The following RBPJL variants were observed in gnomAD, a reference collection of about 807,000 sequenced individuals.
RBPJL encodes the protein recombination signal binding protein for immunoglobulin kappa J region like.
Under a neutral mutation model 57.6 loss-of-function variants are expected in RBPJL, and 50 were observed. The observed-to-expected ratio is 0.87, with a 90% confidence interval of 0.69 to 1.10. The LOEUF is 1.10. RBPJL is among the 50% of genes least tolerant of loss of function. RBPJL has a pLI of 0.00. For synonymous variants in RBPJL, 303 were observed against 294.4 expected (o/e 1.03, Z -0.30); for missense variants, 684 against 693.7 (o/e 0.99, Z 0.16).
At chr20:45,310,778 G>A (rs990424761) in intron 3 of RBPJL, among the ~76,000 whole-genome samples, 11 of 152,150 alleles carry the variant, frequency 7.2e-5, no homozygotes, top group African/African-American at 2.7e-4. Context: ...TTAAACCAGT[G>A]GAGGATTTTA....
chr20:45,311,940 C>T lies in RBPJL; in HGVS notation c.430C>T (p.Gln144Ter). 1.3e-6 allele frequency: 2 copies of T among 1,550,964 alleles called. No homozygotes were observed. The highest frequency in any genetic ancestry group is 1.2e-5 in the South Asian group (1 of 84,146). The part of the protein sequence containing the change: ...TETQKLNFEQ[Q>*]PDSREFGCAK... ...GACGCAGAAGCTGAATTTCGAGCAGCAGCCGGACTCCAGGGTGAGAGCGCA... is the reference window on the plus strand; with the variant it reads ...GACGCAGAAGCTGAATTTCGAGCAGTAGCCGGACTCCAGGGTGAGAGCGCA... Residue 144 changes from glutamine to a stop codon, truncating the protein, a stop_gained, in exon 5 of 12, where the codon CAG becomes TAG. Transcript: ENST00000343694. LOFTEE classifies it high-confidence loss of function.
rs1257650099 is a variant in RBPJL at position 45,314,637 on chromosome 20, C to T, written c.1020+72C>T. 31 of 1,451,450 alleles carry T rather than the reference C, an allele frequency of 2.1e-5. 1 individual carries two copies. The highest frequency in any genetic ancestry group is 1.1e-5 in the Non-Finnish European group (12 of 1,051,982). 89.9% of individuals were successfully genotyped at this position (1,451,450 alleles called of 1,614,324 possible). On this transcript the variant is annotated intron_variant, in intron 9 of 11. Coordinates refer to ENST00000343694, the MANE Select transcript of RBPJL (RefSeq NM_014276.4). ...TGCAGAGAACCACAGAATGTAAGAT[C>T]ATCACCCTCACCATGGTTGCTACTT...
chr20:45,307,973 G>A (rs1457654938), intron 1 of RBPJL, among the ~76,000 whole-genome samples, 170 bp from the exon 2 acceptor site: 1 of 152,198 alleles, frequency 6.6e-6, no homozygotes, highest in East Asian at 1.9e-4. Context: ...CTGGAGGGAT[G>A]AGAGTAGAAA....
Position 45,314,412 on chromosome 20 carries a change from G to A in RBPJL, c.868-1G>A, listed in dbSNP as rs1468629389. 1.2e-6 allele frequency: 2 copies of A among 1,611,816 alleles called. No individual in the cohort carries two copies. Among genetic ancestry groups the A allele is most frequent in the Non-Finnish European group, 1.7e-6 (2 of 1,178,108 alleles). On this transcript the variant is annotated splice_acceptor_variant, in intron 8 of 11. Coordinates refer to ENST00000343694, the MANE Select transcript of RBPJL (RefSeq NM_014276.4). LOFTEE classifies it high-confidence loss of function. The stretch of plus-strand genomic sequence containing the variant: ...CTGTTCTTACCATCCTTCCATTGCA[G>A]ATCATCCGTAAAGTAGCAAAACAGT...
chr20:45,316,536 G>C lies in RBPJL; in HGVS notation c.1236G>C (p.Gly412=), dbSNP rs765465317. ...TCCACGGAGAGAACTTCCACGCGGG[G>C]CTCAAGGTGTGGTTTGGGGACGTGG... ...LELHGENFHA[G]LKVWFGDVEA... The change falls in exon 11 of 12, where the codon GGG becomes GGC. Residue 412 remains glycine, a synonymous_variant. Transcript: ENST00000343694. 32 of 1,540,248 alleles carry C rather than the reference G, an allele frequency of 2.1e-5. 1 individual carries two copies. In the South Asian group the frequency reaches 3.5e-4, roughly 17 times the overall value.
intron 9 of RBPJL, among the ~76,000 whole-genome samples, chr20:45,315,047 C>T (rs1987384611): frequency 6.6e-6 from 1 of 152,162 alleles, no homozygotes. Flanking sequence ...CACACCATTG[C>T]ACTCCAGCCT....
chr20:45,317,264 T>G lies in RBPJL; in HGVS notation c.*305T>G. 1.6e-4 allele frequency: 73 copies of G among 443,402 alleles called. No individual in the cohort carries two copies. In the Middle Eastern group the frequency reaches 1.8e-3, roughly 11 times the overall value. 27.5% of individuals were successfully genotyped at this position (443,402 alleles called of 1,614,324 possible). On this transcript the variant is annotated 3_prime_UTR_variant, in exon 12 of 12. Coordinates refer to ENST00000343694, the MANE Select transcript of RBPJL (RefSeq NM_014276.4). Reference sequence around the variant, plus strand: ...TCTCTCTCCCTTCCCCCTCAGTACTTAGTCTACAGACCTATGTGCGTGTCC... The same window carrying G: ...TCTCTCTCCCTTCCCCCTCAGTACTGAGTCTACAGACCTATGTGCGTGTCC...
intron 4 of RBPJL, 44 bp downstream of exon 4, chr20:45,311,703 A>AT (rs763186704): frequency 1.2e-6 from 2 of 1,604,342 alleles, no homozygotes; most frequent in South Asian, 2.2e-5. Flanking sequence ...CTCTGTAGGG[A>AT]GGACCACGAG....
chr20:45,312,902 G>A (rs943598338), intron 6 of RBPJL, among the ~76,000 whole-genome samples: 2 of 151,902 alleles, frequency 1.3e-5, no homozygotes, highest in Admixed American at 6.6e-5. Context: ...CAGCTACGTG[G>A]GAGGCTGAGA....
chr20:45,308,758 C>A (rs1467403956), intron 2 of RBPJL, among the ~76,000 whole-genome samples: 1 of 151,928 alleles, frequency 6.6e-6, no homozygotes, highest in African/African-American at 2.4e-5. Context: ...ACCTGCTAAC[C>A]CCCCAAATCT....
In RBPJL at chr20:45,312,291, G is replaced by A. The variant is rs139100496; in HGVS notation, c.515G>A (p.Arg172Gln). ...AGGAAGCACTTTCGGCTGGTGCTGCGGCTGGTGCTGCGCGGGGGCCGGGAG... is the reference window on the plus strand; with the variant it reads ...AGGAAGCACTTTCGGCTGGTGCTGCAGCTGGTGCTGCGCGGGGGCCGGGAG... ...DKRKHFRLVLRLVLRGGRELG... is the reference protein window; with the variant it reads ...DKRKHFRLVLQLVLRGGRELG... Residue 172 changes from arginine to glutamine, a missense_variant, in exon 6 of 12, where the codon CGG (arginine) becomes CAG (glutamine). By Grantham distance (43) the Arg-to-Gln change is conservative. Transcript: ENST00000343694. 1.5e-5 allele frequency: 24 copies of A among 1,614,074 alleles called. No homozygotes were observed. The highest frequency in any genetic ancestry group is 6.7e-5 in the Admixed American group (4 of 60,014).
chr20:45,312,379 G>T lies in RBPJL; in HGVS notation c.603G>T (p.Ser201=), dbSNP rs1987226347. Reference sequence around the variant, plus strand: ...CGAAGCCCTCGCAGAAGAAGCAGTCGCTGAAAAACACCGATCGTGAGCAGG... The same window carrying T: ...CGAAGCCCTCGCAGAAGAAGCAGTCTCTGAAAAACACCGATCGTGAGCAGG... ...VISKPSQKKQ[S]LKNTDLCISS... The change falls in exon 6 of 12, where the codon TCG becomes TCT. Residue 201 remains serine, a synonymous_variant. Coordinates refer to ENST00000343694, the MANE Select transcript of RBPJL (RefSeq NM_014276.4). 1.2e-6 allele frequency: 2 copies of T among 1,613,828 alleles called. No individual in the cohort carries two copies. The highest frequency in any genetic ancestry group is 1.7e-6 in the Non-Finnish European group (2 of 1,179,930).
At position 45,316,235 on chromosome 20, in the gene RBPJL, T is replaced by C; in HGVS notation, c.1069T>C (p.Ser357Pro). ...EANRALLNDS[S>P]CWTIIGTESV... ...GAACAGGGCTCTGCTTAACGACAGC[T>C]CTTGCTGGACCATCATCGGCACCGA... Residue 357 changes from serine to proline, a missense_variant, in exon 10 of 12, where the codon TCT (serine) becomes CCT (proline). Ser to Pro is a moderately conservative substitution (Grantham distance 74). Coordinates refer to ENST00000343694, the MANE Select transcript of RBPJL (RefSeq NM_014276.4). The C allele has an allele frequency of 3.1e-6, 5 of 1,614,216 alleles. No homozygotes were observed. The highest frequency in any genetic ancestry group is 4.2e-6 in the Non-Finnish European group (5 of 1,180,024).
chr20:45,315,362 T>G (rs1311247765), intron 9 of RBPJL, among the ~76,000 whole-genome samples: 11 of 151,788 alleles, frequency 7.2e-5, no homozygotes. Context: ...CAAAGAATAT[T>G]AAAATTGTAG....
At chr20:45,309,219 T>C (rs1291704932) in intron 2 of RBPJL, among the ~76,000 whole-genome samples, 1 of 152,012 alleles carries the variant, frequency 6.6e-6, no homozygotes, top group Non-Finnish European at 1.5e-5. Context: ...CCAAGGCCAG[T>C]ATAAGTGCAG....
chr20:45,308,949 A>G (rs1986987539), intron 2 of RBPJL, among the ~76,000 whole-genome samples: 2 of 152,266 alleles, frequency 1.3e-5, no homozygotes, highest in South Asian at 4.1e-4. Context: ...ACACAGCAAC[A>G]GGCCACTTCT....
In RBPJL at chr20:45,311,847, G is replaced by C. The variant is rs986181356; in HGVS notation, c.337G>C (p.Ala113Pro). 5.8e-6 allele frequency: 9 copies of C among 1,551,654 alleles called. No homozygotes were observed. The African/African-American group carries it at 8.2e-5, about 14-fold the overall frequency. The change falls in exon 5 of 12, where the codon GCG (alanine) becomes CCG (proline). Residue 113 changes from alanine to proline, a missense_variant. Transcript: ENST00000343694. ...VKPGQDQAHQ[A>P]GETGPTVCGY... ...TTCGCGTCCCTTTCCAGCTCACCAG[G>C]CGGGGGAAACGGGGCCCACGGTCTG...
Position 45,312,842 on chromosome 20 carries a change from A to G in RBPJL, c.619+447A>G, listed in dbSNP as rs568367256. On this transcript the variant is annotated intron_variant, in intron 6 of 11. Coordinates refer to ENST00000343694, the MANE Select transcript of RBPJL (RefSeq NM_014276.4). ...TTGTCTGTACCAAAAAAAAAAAAAA[A>G]AAAAGAAAAAGAAAAATTAGCCTGG... Among the ~76,000 whole-genome samples the G allele has an allele frequency of 3.6e-4, 54 of 151,180 alleles. 2 individuals are homozygous for G. The East Asian group carries it at 9.7e-3, about 27-fold the overall frequency.
In RBPJL at chr20:45,309,214, G is replaced by A. The variant is rs575947198; in HGVS notation, c.132-353G>A. 2.0e-5 allele frequency among the ~76,000 whole-genome samples: 3 copies of A among 152,148 alleles called. No individual in the cohort carries two copies. The South Asian group carries it at 6.2e-4, about 32-fold the overall frequency. On this transcript the variant is annotated intron_variant, in intron 2 of 11. Coordinates refer to ENST00000343694, the MANE Select transcript of RBPJL (RefSeq NM_014276.4). ...CTAAAATACTCTTCTCCATCCCAAG[G>A]CCAGTATAAGTGCAGCCTTTGTGTC...
Sources: gnomAD v4.1 joint callset for allele counts (sites outside exome capture counted in the v4.1 genomes callset) on GRCh38, gnomAD v4.1.1 for gene constraint, MANE v1.5 for transcripts, NCBI Gene and HGNC (gene_info 2026-07-23, HGNC 2026-07-21) for gene names.